The following OPTC variants were observed in gnomAD, a reference collection of about 807,000 sequenced individuals.
OPTC encodes opticin.
OPTC carries 22 observed loss-of-function variants against 25.4 expected under a neutral mutation model. That is an observed-to-expected ratio of 0.87 (90% CI 0.62 to 1.24). The LOEUF (loss-of-function observed/expected upper bound fraction) is 1.24, where lower values mean the gene tolerates loss of function less well. Among genes scored for constraint, OPTC ranks in the 50% most tolerant of loss-of-function variants. The pLI is 0.00. For missense variants in OPTC, 417 were observed against 425.2 expected (o/e 0.98, Z 0.17); for synonymous variants, 169 against 179.3 (o/e 0.94, Z 0.46).
chr1:203,499,391 C>T (rs1380046880), intron 4 of OPTC, among the ~76,000 whole-genome samples: 1 of 152,066 alleles, frequency 6.6e-6, no homozygotes, highest in Non-Finnish European at 1.5e-5. Context: ...TTTCAAGAGG[C>T]TTCTTCTAAA....
intron 5 of OPTC, among the ~76,000 whole-genome samples, chr1:203,500,459 C>T (rs1184885644): frequency 6.7e-6 from 1 of 149,234 alleles, no homozygotes; most frequent in African/African-American, 2.5e-5. Flanking sequence ...CCACCCATAT[C>T]CACCACCACC....
intron 7 of OPTC, among the ~76,000 whole-genome samples, chr1:203,508,115 T>C (rs1661526268): frequency 6.6e-6 from 1 of 152,116 alleles, no homozygotes; most frequent in South Asian, 2.1e-4. Context: ...AAACAATCTA[T>C]AACAGAAAAA....
chr1:203,500,997 T>C (rs1313904941), intron 5 of OPTC, among the ~76,000 whole-genome samples: 1 of 152,236 alleles, frequency 6.6e-6, no homozygotes, highest in Admixed American at 6.5e-5. Flanking sequence ...CTTGGAATAG[T>C]GCTGATTCTG....
rs1661541419 is a variant in OPTC at position 203,508,665 on chromosome 1, G to A, written c.*45G>A. The A allele has an allele frequency of 6.6e-6, 1 of 151,916 alleles. No individual in the cohort carries two copies. The highest frequency in any genetic ancestry group is 2.4e-5 in the African/African-American group (1 of 41,304). The allele number at this position is 151,916 out of a possible 1,614,324, so 9.4% of individuals were successfully genotyped here. ...CTCAAGGTCATCTCTTGGACCAGCG[G>A]GCATCACATTCTCCAGCAGCCGCCA... On this transcript the variant is annotated 3_prime_UTR_variant, in exon 8 of 8. Coordinates refer to ENST00000367222, the MANE Select transcript of OPTC (RefSeq NM_014359.4).
intron 7 of OPTC, among the ~76,000 whole-genome samples, chr1:203,506,811 G>A (rs1661498054): frequency 6.6e-6 from 1 of 152,194 alleles, no homozygotes; most frequent in South Asian, 2.1e-4. Flanking sequence ...TCAATCCGGG[G>A]TCCATCCAGC....
intron 1 of OPTC, among the ~76,000 whole-genome samples, chr1:203,494,889 C>T (rs1661253474): frequency 1.3e-5 from 2 of 152,162 alleles, no homozygotes; most frequent in South Asian, 4.1e-4. Flanking sequence ...CATACATACG[C>T]AGGCATCTGT....
chr1:203,498,880 A>T (rs760069213), intron 4 of OPTC, 41 bp downstream of exon 4: 1 of 1,607,444 alleles, frequency 6.2e-7, no homozygotes, highest in Non-Finnish European at 8.5e-7. Context: ...GGGCAGGCAT[A>T]TGCAGCCACC....
intron 5 of OPTC, among the ~76,000 whole-genome samples, chr1:203,500,495 C>CCACCTGCACT (rs1571599106): frequency 6.8e-6 from 1 of 147,406 alleles, no homozygotes; most frequent in African/African-American, 2.6e-5. Flanking sequence ...CCACCTGTAC[C>CCACCTGCACT]ACCCACCTGC....
Position 203,505,926 on chromosome 1 carries a change from C to G in OPTC, c.*25+2181C>G, listed in dbSNP as rs546217379. On this transcript the variant is annotated intron_variant, in intron 7 of 7. Transcript: ENST00000367222. Reference sequence around the variant, plus strand: ...GTTTGTTACAGCGGAATCTCTCTCTCTGTGTGTGTCTCTCTCTCTCTCAGA... The same window carrying G: ...GTTTGTTACAGCGGAATCTCTCTCTGTGTGTGTGTCTCTCTCTCTCTCAGA... Among the ~76,000 whole-genome samples, 479 of 148,936 alleles carry G rather than the reference C, an allele frequency of 3.2e-3. 1 individual carries two copies. Among genetic ancestry groups the G allele is most frequent in the African/African-American group, 8.7e-3 (350 of 40,342 alleles).
chr1:203,507,204 G>C (rs940226312), intron 7 of OPTC, among the ~76,000 whole-genome samples: 2 of 152,224 alleles, frequency 1.3e-5, no homozygotes, highest in African/African-American at 2.4e-5. Flanking sequence ...AAAGGGGTTA[G>C]GGTTGGGCAA....
intron 5 of OPTC, 152 bp downstream of exon 5, chr1:203,500,003 C>G (rs1571598067): frequency 6.0e-6 from 4 of 670,208 alleles, no homozygotes; most frequent in Non-Finnish European, 5.3e-6. Context: ...CTACCACCAC[C>G]CACTTCCACA....
chr1:203,496,945 G>T (rs1661290098), intron 2 of OPTC, 32 bp from the exon 3 acceptor site: 2 of 1,613,602 alleles, frequency 1.2e-6, no homozygotes, highest in Non-Finnish European at 1.7e-6. Context: ...TGCAAAAGCT[G>T]GGCTACTGTG....
chr1:203,495,821 C>G (rs1661268362), intron 1 of OPTC, 144 bp from the exon 2 acceptor site: 1 of 636,712 alleles, frequency 1.6e-6, no homozygotes. Flanking sequence ...ATAGTCCCAG[C>G]TGGTAGGGAA....
At chr1:203,501,455 G>A (rs1661390462) in intron 5 of OPTC, among the ~76,000 whole-genome samples, 1 of 152,212 alleles carries the variant, frequency 6.6e-6, no homozygotes, top group Admixed American at 6.5e-5. Context: ...GAAGGGCTAA[G>A]TTGTATGACA....
In OPTC at chr1:203,503,040, A is replaced by G. The variant is rs529031194; in HGVS notation, c.828+31A>G. The G allele has an allele frequency of 5.6e-4, 861 of 1,546,842 alleles. 9 individuals carry two copies. In the South Asian group the frequency reaches 9.2e-3, roughly 16 times the overall value. ...GAGCACCACCCAGAGCAAGGGTGATAAACAGCGTGGAGGATGGAAGTTAGA... is the reference window on the plus strand; with the variant it reads ...GAGCACCACCCAGAGCAAGGGTGATGAACAGCGTGGAGGATGGAAGTTAGA... On this transcript the variant is annotated intron_variant, in intron 6 of 7. Transcript: ENST00000367222.
chr1:203,499,167 T>A (rs948882229), intron 4 of OPTC, among the ~76,000 whole-genome samples: 9 of 152,146 alleles, frequency 5.9e-5, no homozygotes, highest in Admixed American at 6.5e-5. Flanking sequence ...CAGTCTTAAA[T>A]CTACTCTCCA....
chr1:203,505,899 G>A (rs920902152), intron 7 of OPTC, among the ~76,000 whole-genome samples: 1 of 152,080 alleles, frequency 6.6e-6, no homozygotes, highest in African/African-American at 2.4e-5. Flanking sequence ...TGTCTTCCAA[G>A]AGTTTGTTAC....
chr1:203,505,951 A>AGT (rs34373102), intron 7 of OPTC, among the ~76,000 whole-genome samples: 35,156 of 149,938 alleles, frequency 0.23, 4,133 homozygotes, highest in Non-Finnish European at 0.27. Flanking sequence ...TCTCTCTCAG[A>AGT]GTGTGTGTGT....
At chr1:203,495,173 C>T (rs987178638) in intron 1 of OPTC, among the ~76,000 whole-genome samples, 3 of 152,142 alleles carry the variant, frequency 2.0e-5, no homozygotes, top group Non-Finnish European at 2.9e-5. Flanking sequence ...ACTCAATAGA[C>T]ACCCATAAAT....
Sources: allele counts gnomAD v4.1 joint callset (sites outside exome capture counted in the v4.1 genomes callset), GRCh38; gene constraint gnomAD v4.1.1; transcripts MANE v1.5; gene names NCBI Gene and HGNC (gene_info 2026-07-23, HGNC 2026-07-21).